Variants in SYNDIG1L observed in about 807,000 individuals in gnomAD.
SYNDIG1L encodes synapse differentiation inducing 1 like.
In SYNDIG1L, 13 loss-of-function variants were observed where a neutral mutation model predicts 20.1. That is an observed-to-expected ratio of 0.65 (90% CI 0.42 to 1.03). SYNDIG1L has a LOEUF of 1.03. SYNDIG1L is among the 50% of genes least tolerant of loss of function. SYNDIG1L has a pLI of 0.00. For missense variants in SYNDIG1L, 294 were observed against 305.1 expected, an observed-to-expected ratio of 0.96 and a Z score of 0.27; for synonymous variants, 128 against 129.3, an observed-to-expected ratio of 0.99 and a Z score of 0.07.
chr14:74,476,484 T>A, the SYNDIG1L span: 4 of 1,524,824 alleles, frequency 2.6e-6, no homozygotes, highest in East Asian at 9.8e-5. Context: ...CACACTGACA[T>A]GCCACGTCTG....
chr14:74,430,440 CTT>C (rs59843281), upstream of SYNDIG1L, among the ~76,000 whole-genome samples: 65 of 147,078 alleles, frequency 4.4e-4, no homozygotes, highest in African/African-American at 4.2e-4. Context: ...AATACGCATT[CTT>C]TTTTTTTTTT....
chr14:74,460,110 C>T, the SYNDIG1L span, among the ~76,000 whole-genome samples: 2 of 152,130 alleles, frequency 1.3e-5, no homozygotes, highest in African/African-American at 2.4e-5. Flanking sequence ...TGTGCCTTCT[C>T]AGGTGGAAGC....
At position 74,407,680 on chromosome 14, in the gene SYNDIG1L, A is replaced by G; in HGVS notation, c.572T>C (p.Ile191Thr). ...GGCCAGGCGGAAGTCCCCTTTGGAG[A>G]TGGCCTTGCTGGTCTAGGGAGAGAG... ...FYFSQGTSKAISKGDFRLAST... is the reference protein window; with the variant it reads ...FYFSQGTSKATSKGDFRLAST... The change falls in exon 4 of 4, where the codon ATC becomes ACC. Residue 191 changes from isoleucine (I) to threonine (T), a missense_variant. Physicochemically the swap from Ile to Thr is moderately conservative, Grantham distance 89. Coordinates refer to ENST00000331628, the MANE Select transcript of SYNDIG1L (RefSeq NM_001105579.2). 1 of 1,608,428 alleles carries G rather than the reference A, an allele frequency of 6.2e-7. No homozygotes were observed.
chr14:74,416,887 T>A (rs1469737685), intron 1 of SYNDIG1L, among the ~76,000 whole-genome samples: 1 of 152,208 alleles, frequency 6.6e-6, no homozygotes, highest in Non-Finnish European at 1.5e-5. Flanking sequence ...ATCATCTGCA[T>A]TTTACAGCAA....
At chr14:74,422,950 C>T (rs989488548) in intron 1 of SYNDIG1L, among the ~76,000 whole-genome samples, 11 of 152,128 alleles carry the variant, frequency 7.2e-5, no homozygotes, top group African/African-American at 2.7e-4. Flanking sequence ...CCACCCGCCT[C>T]AGCCTCCTAA....
At chr14:74,412,077 A>G (rs2086135662) in intron 1 of SYNDIG1L, among the ~76,000 whole-genome samples, 1 of 152,354 alleles carries the variant, frequency 6.6e-6, no homozygotes, top group South Asian at 2.1e-4. Flanking sequence ...GACTTGGATC[A>G]TAGTTCTTCA....
At chr14:74,425,775 C>G (rs1031491608) in intron 1 of SYNDIG1L, 137 bp downstream of exon 1, 1 of 152,340 alleles carries the variant, frequency 6.6e-6, no homozygotes, top group Admixed American at 6.5e-5. Flanking sequence ...GAAGTGCAAG[C>G]CTTGGCGGAG....
At chr14:74,431,733 A>T in the SYNDIG1L span, among the ~76,000 whole-genome samples, 1 of 152,142 alleles carries the variant, frequency 6.6e-6, no homozygotes, top group African/African-American at 2.4e-5. Flanking sequence ...AAAGAGAAAC[A>T]AGAGGAAATA....
chr14:74,464,578 C>T, the SYNDIG1L span, among the ~76,000 whole-genome samples: 1 of 152,212 alleles, frequency 6.6e-6, no homozygotes, highest in African/African-American at 2.4e-5. Flanking sequence ...TCAGAATAAC[C>T]CAGCAGAAAA....
chr14:74,480,040 C>T, the SYNDIG1L span: 7 of 1,489,356 alleles, frequency 4.7e-6, no homozygotes, highest in African/African-American at 5.7e-5. Flanking sequence ...AATTAAACAT[C>T]TGCTAACCAA....
At position 74,405,959 on chromosome 14, in the gene SYNDIG1L, G is replaced by T. The variant is rs1190170547; in HGVS notation, c.*1576C>A. The stretch of plus-strand genomic sequence containing the variant: ...ACAATAATGGGACCTTAAAACTGCT[G>T]TGATGCAGGAGTGGAGGGCTGGGCA... On this transcript the variant is annotated 3_prime_UTR_variant, in exon 4 of 4. Coordinates refer to ENST00000331628, the MANE Select transcript of SYNDIG1L (RefSeq NM_001105579.2). 2.3e-5 allele frequency: 9 copies of T among 398,676 alleles called. 1 individual carries two copies. The highest frequency in any genetic ancestry group is 4.0e-5 in the Non-Finnish European group (9 of 226,180). 24.7% of individuals were successfully genotyped at this position (398,676 alleles called of 1,614,324 possible). A position where few individuals can be genotyped will look rare whatever the true frequency, so the allele number is the denominator to read the frequency against.
At chr14:74,450,171 T>G in the SYNDIG1L span, among the ~76,000 whole-genome samples, 1 of 152,172 alleles carries the variant, frequency 6.6e-6, no homozygotes, top group Non-Finnish European at 1.5e-5. Flanking sequence ...ACATGAAAAG[T>G]AATAGATAAC....
rs368078384 is a variant in SYNDIG1L, at chr14:74,422,030, G to A, written c.-58+3882C>T. ...CTGACAGGATTGGGATGATGGCTCT[G>A]CTACTCAAATTAGTCCATTTTCAGG... On this transcript the variant is annotated intron_variant, in intron 1 of 3. Transcript: ENST00000331628. 8.0e-4 allele frequency among the ~76,000 whole-genome samples: 122 copies of A among 152,272 alleles called. 1 individual carries two copies. Among genetic ancestry groups the A allele is most frequent in the East Asian group, 2.5e-3 (13 of 5,174 alleles).
chr14:74,442,324 T>C, the SYNDIG1L span, among the ~76,000 whole-genome samples: 1 of 152,166 alleles, frequency 6.6e-6, no homozygotes, highest in Non-Finnish European at 1.5e-5. Context: ...AATATGGTCT[T>C]ATAAGAAACT....
intron 1 of SYNDIG1L, among the ~76,000 whole-genome samples, chr14:74,410,708 C>T (rs1216290774): frequency 1.3e-5 from 2 of 151,964 alleles, no homozygotes; most frequent in Non-Finnish European, 2.9e-5. Flanking sequence ...ATTCTAGGGT[C>T]GAATGGGAGC....
intron 1 of SYNDIG1L, among the ~76,000 whole-genome samples, chr14:74,414,880 G>A (rs1370448756): frequency 6.6e-6 from 1 of 152,160 alleles, no homozygotes; most frequent in Non-Finnish European, 1.5e-5. Flanking sequence ...TGGTGGGTGG[G>A]TAATATGAAG....
intron 1 of SYNDIG1L, among the ~76,000 whole-genome samples, chr14:74,423,118 G>T (rs980646523): frequency 5.9e-5 from 9 of 152,084 alleles, no homozygotes; most frequent in African/African-American, 2.2e-4. Context: ...TCCCTTTGAG[G>T]CCTTGTAGAA....
chr14:74,407,729 C>T, intron 3 of SYNDIG1L, 36 bp from the exon 4 acceptor site: 1 of 1,578,880 alleles, frequency 6.3e-7, no homozygotes, highest in South Asian at 1.2e-5. Context: ...CAGGAGTGTC[C>T]CCACACCCAG....
At position 74,425,964 on chromosome 14, in the gene SYNDIG1L, T is replaced by A. The variant is rs1415625448; in HGVS notation, c.-110A>T. 6.6e-6 allele frequency: 1 copy of A among 152,202 alleles called. No individual in the cohort carries two copies. Among genetic ancestry groups the A allele is most frequent in the African/African-American group, 2.4e-5 (1 of 41,284 alleles). 9.4% of individuals were successfully genotyped at this position (152,202 alleles called of 1,614,324 possible). The stretch of plus-strand genomic sequence containing the variant: ...CTCCGCGGGGCTCGGGGGCTCGGCA[T>A]GGGCCGGTGAGCGACGGCGCCCCCG... On this transcript the variant is annotated 5_prime_UTR_variant, in exon 1 of 4. It removes an upstream start codon present in the reference 5' UTR. Transcript: ENST00000331628.
Sources: allele counts gnomAD v4.1 joint callset (sites outside exome capture counted in the v4.1 genomes callset), GRCh38; gene constraint gnomAD v4.1.1; transcripts MANE v1.5; gene names NCBI Gene and HGNC (gene_info 2026-07-23, HGNC 2026-07-21).